Variants in CA8 observed in about 807,000 individuals in gnomAD.
CA8 encodes carbonic anhydrase-related protein.
In CA8, 22 loss-of-function variants were observed where a neutral mutation model predicts 41.4. That is an observed-to-expected ratio of 0.53 (90% CI 0.38 to 0.76). The LOEUF (loss-of-function observed/expected upper bound fraction) is 0.76. CA8 is among the 30% of genes least tolerant of loss of function. The pLI is 0.00. For synonymous variants in CA8, 121 were observed against 130.6 expected (o/e 0.93, Z 0.50); for missense variants, 270 against 352.8 (o/e 0.77, Z 1.88).
chr8:60,238,333 T>C (rs555905848), intron 3 of CA8, among the ~76,000 whole-genome samples: 9 of 152,288 alleles, frequency 5.9e-5, no homozygotes, highest in South Asian at 2.1e-4. Flanking sequence ...ACGGAAAAAG[T>C]AGTAAACACT....
intron 3 of CA8, among the ~76,000 whole-genome samples, chr8:60,238,286 C>T (rs1249459211): frequency 6.6e-6 from 1 of 152,040 alleles, no homozygotes; most frequent in Non-Finnish European, 1.5e-5. Context: ...ATAAATAATA[C>T]GACGGCAGCA....
intron 2 of CA8, among the ~76,000 whole-genome samples, chr8:60,269,914 G>C (rs1804016284): frequency 1.3e-5 from 2 of 152,210 alleles, no homozygotes; most frequent in Non-Finnish European, 2.9e-5. Context: ...ATAAAGTCAG[G>C]TAAGATGTTC....
At chr8:60,199,006 CA>C (rs936957141) in intron 8 of CA8, among the ~76,000 whole-genome samples, 20 of 151,836 alleles carry the variant, frequency 1.3e-4, no homozygotes, top group African/African-American at 4.6e-4. Flanking sequence ...TTCATACCTG[CA>C]AAAAACTGCG....
intron 8 of CA8, among the ~76,000 whole-genome samples, chr8:60,196,696 T>G (rs1806290879): frequency 6.6e-6 from 1 of 152,176 alleles, no homozygotes; most frequent in Non-Finnish European, 1.5e-5. Flanking sequence ...TATTTTTGTC[T>G]TTCATTTTCT....
In CA8 at chr8:60,187,019, C is replaced by A. The variant is rs932698007; in HGVS notation, c.*3002G>T. 6.6e-6 allele frequency among the ~76,000 whole-genome samples: 1 copy of A among 152,012 alleles called. No homozygotes were observed. Among genetic ancestry groups the A allele is most frequent in the African/African-American group, 2.4e-5 (1 of 41,434 alleles). On this transcript the variant is annotated 3_prime_UTR_variant, in exon 9 of 9. Coordinates refer to ENST00000317995, the MANE Select transcript of CA8 (RefSeq NM_004056.6). ...TCTATCTATAGAACACAGCATCCAA[C>A]AACAGTACAATACATACTCTTAAGT...
intron 7 of CA8, among the ~76,000 whole-genome samples, chr8:60,219,562 C>G (rs1254231383): frequency 6.6e-6 from 1 of 152,274 alleles, no homozygotes; most frequent in East Asian, 1.9e-4. Flanking sequence ...AACAAAACTC[C>G]TCCAACTGGG....
chr8:60,279,104 T>G (rs921368682), intron 2 of CA8, among the ~76,000 whole-genome samples: 10 of 144,840 alleles, frequency 6.9e-5, no homozygotes, highest in African/African-American at 5.3e-5. Context: ...AGAAGTTTCA[T>G]GGGATGGAAC....
intron 8 of CA8, among the ~76,000 whole-genome samples, chr8:60,206,631 T>C (rs1402568751): frequency 6.6e-6 from 1 of 151,814 alleles, no homozygotes; most frequent in Non-Finnish European, 1.5e-5. Flanking sequence ...TCTGCTCCTA[T>C]CCATCTTCAC....
At chr8:60,257,726 A>G (rs1808690827) in intron 3 of CA8, among the ~76,000 whole-genome samples, 2 of 152,230 alleles carry the variant, frequency 1.3e-5, no homozygotes, top group South Asian at 4.1e-4. Context: ...TCTAGCCTAC[A>G]GTGACCCGTG....
intron 3 of CA8, among the ~76,000 whole-genome samples, chr8:60,234,522 A>G (rs1807764323): frequency 6.6e-6 from 1 of 152,246 alleles, no homozygotes; most frequent in Non-Finnish European, 1.5e-5. Flanking sequence ...TACTGTCTTT[A>G]TAATTTTTCT....
At chr8:60,261,251 AT>A (rs1008539860) in intron 3 of CA8, among the ~76,000 whole-genome samples, 8 of 152,034 alleles carry the variant, frequency 5.3e-5, no homozygotes, top group African/African-American at 1.7e-4. Flanking sequence ...TGTACAATGA[AT>A]TTTTTTTCTA....
At chr8:60,259,216 A>G (rs571978329) in intron 3 of CA8, among the ~76,000 whole-genome samples, 2 of 152,342 alleles carry the variant, frequency 1.3e-5, no homozygotes, top group Non-Finnish European at 2.9e-5. Context: ...GCTATTTATT[A>G]TCTGAAAATA....
chr8:60,251,496 A>T (rs778303130), intron 3 of CA8, among the ~76,000 whole-genome samples: 41 of 152,132 alleles, frequency 2.7e-4, no homozygotes, highest in Non-Finnish European at 4.4e-4. Flanking sequence ...ACTTTCTCCC[A>T]ATTCCCTTTC....
chr8:60,275,255 T>C (rs966846442), intron 2 of CA8, among the ~76,000 whole-genome samples: 1 of 152,210 alleles, frequency 6.6e-6, no homozygotes, highest in Non-Finnish European at 1.5e-5. Flanking sequence ...GCTTCTGATC[T>C]GCTTCCTAGA....
chr8:60,195,275 C>G (rs1278288226), intron 8 of CA8, among the ~76,000 whole-genome samples: 1 of 152,208 alleles, frequency 6.6e-6, no homozygotes, highest in Non-Finnish European at 1.5e-5. Flanking sequence ...CCATCTTTCA[C>G]ATGACTTTTT....
intron 3 of CA8, among the ~76,000 whole-genome samples, chr8:60,255,276 C>T (rs1278841763): frequency 6.6e-6 from 1 of 151,682 alleles, no homozygotes. Context: ...CCGCCCCCGC[C>T]TAATTCTGGA....
intron 3 of CA8, among the ~76,000 whole-genome samples, chr8:60,255,115 C>T (rs1243559696): frequency 6.6e-6 from 1 of 152,072 alleles, no homozygotes; most frequent in Non-Finnish European, 1.5e-5. Flanking sequence ...GAGGGGTTTT[C>T]CCTGAACAAA....
At chr8:60,251,362 T>TA (rs1211683636) in intron 3 of CA8, among the ~76,000 whole-genome samples, 2 of 152,244 alleles carry the variant, frequency 1.3e-5, no homozygotes, top group Non-Finnish European at 2.9e-5. Flanking sequence ...TGCCAGGAAC[T>TA]AAAATTCTAT....
chr8:60,186,382 C>G lies in CA8; in HGVS notation c.*3639G>C, dbSNP rs1805963961. On this transcript the variant is annotated 3_prime_UTR_variant, in exon 9 of 9. Coordinates refer to ENST00000317995, the MANE Select transcript of CA8 (RefSeq NM_004056.6). ...AGTATATGATATGCCCTTTAGCAAC[C>G]ACTGTGAAAATATACTCAAAAAAAT... Among the ~76,000 whole-genome samples the G allele has an allele frequency of 2.0e-5, 3 of 149,758 alleles. No homozygotes were observed. Among genetic ancestry groups the G allele is most frequent in the African/African-American group, 7.4e-5 (3 of 40,744 alleles).
Sources: allele counts gnomAD v4.1 joint callset (sites outside exome capture counted in the v4.1 genomes callset), GRCh38; gene constraint gnomAD v4.1.1; transcripts MANE v1.5; gene names NCBI Gene and HGNC (gene_info 2026-07-23, HGNC 2026-07-21).